Variants in INTS6 observed in about 807,000 individuals in gnomAD.
The protein encoded by INTS6 is DEAD box protein.
In INTS6, 16 loss-of-function variants were observed where a neutral mutation model predicts 104.9. The ratio of observed to expected loss-of-function variants is 0.15; its 90% CI spans 0.10 to 0.23. The LOEUF (loss-of-function observed/expected upper bound fraction) is 0.23, where lower values mean the gene tolerates loss of function less well. INTS6 is among the 10% of genes least tolerant of loss of function. The pLI, the probability that INTS6 is intolerant of heterozygous loss-of-function variation, is 1.00. For synonymous variants in INTS6, 324 were observed against 358.7 expected (o/e 0.90, Z 1.09); for missense variants, 584 against 1,062.8 (o/e 0.55, Z 6.26).
At chr13:51,376,987 A>G (rs931212053) in intron 12 of INTS6, among the ~76,000 whole-genome samples, 4 of 152,184 alleles carry the variant, frequency 2.6e-5, no homozygotes, top group Non-Finnish European at 4.4e-5. Flanking sequence ...TCTTAAGAAA[A>G]TATCAACTAT....
chr13:51,371,582 A>C (rs1410952822), intron 15 of INTS6, among the ~76,000 whole-genome samples: 2 of 152,010 alleles, frequency 1.3e-5, no homozygotes, highest in Non-Finnish European at 1.5e-5. Flanking sequence ...CCAGACTTGC[A>C]TTTGGAATCA....
chr13:51,373,066 A>T (rs1012033523), intron 15 of INTS6, among the ~76,000 whole-genome samples: 1 of 152,126 alleles, frequency 6.6e-6, no homozygotes, highest in African/African-American at 2.4e-5. Flanking sequence ...TTTTCCAGGA[A>T]AAAAACCCAA....
downstream of INTS6, chr13:51,361,515 A>G: frequency 1.7e-6 from 1 of 594,302 alleles, no homozygotes; most frequent in South Asian, 2.6e-5. Flanking sequence ...AAAGAAAACA[A>G]AAAGTTTTTG....
At position 51,376,767 on chromosome 13, in the gene INTS6, T is replaced by C. The variant is rs151094803; in HGVS notation, c.1603-593A>G. Among the ~76,000 whole-genome samples, 19 of 152,304 alleles carry C rather than the reference T, an allele frequency of 1.2e-4. No homozygotes were observed. The East Asian group carries it at 3.3e-3, about 26-fold the overall frequency. ...ATTAGCATGATGTTTTTGAGATTCA[T>C]TGACATTATTCATGTATCAGTAGTT... On this transcript the variant is annotated intron_variant, in intron 12 of 17. Transcript: ENST00000311234.
At chr13:51,450,752 GA>G in intron 3 of INTS6, 2 of 1,064,654 alleles carry the variant, frequency 1.9e-6, no homozygotes, top group Non-Finnish European at 2.3e-6. Context: ...GGTCTTTACT[GA>G]ACTTTCAAGG....
intron 3 of INTS6, chr13:51,450,708 A>G (rs1953022976): frequency 3.0e-6 from 3 of 1,015,054 alleles, no homozygotes; most frequent in African/African-American, 1.7e-5. Flanking sequence ...CACATACAAC[A>G]TGAGTGTGGT....
chr13:51,427,746 C>T (rs1957009913), intron 4 of INTS6, among the ~76,000 whole-genome samples: 1 of 152,100 alleles, frequency 6.6e-6, no homozygotes, highest in African/African-American at 2.4e-5. Context: ...TCAATGACTA[C>T]CAGATTCAAT....
At chr13:51,349,228 G>A (rs1955382382), downstream of INTS6, among the ~76,000 whole-genome samples, 1 of 152,106 alleles carries the variant, frequency 6.6e-6, no homozygotes, top group African/African-American at 2.4e-5. Flanking sequence ...GTAGGCAAAG[G>A]CAAAGTCCTT....
intron 4 of INTS6, among the ~76,000 whole-genome samples, chr13:51,422,321 T>C (rs1375431393): frequency 6.6e-6 from 1 of 152,164 alleles, no homozygotes; most frequent in Non-Finnish European, 1.5e-5. Flanking sequence ...TATTTGAGAA[T>C]ATGATTAAAG....
At chr13:51,391,616 G>GA (rs1956247166) in intron 5 of INTS6, among the ~76,000 whole-genome samples, 1 of 152,024 alleles carries the variant, frequency 6.6e-6, no homozygotes, top group Non-Finnish European at 1.5e-5. Flanking sequence ...TTGTATTTGT[G>GA]AAAAAAGTTT....
chr13:51,416,769 A>T (rs1956795350), intron 4 of INTS6, among the ~76,000 whole-genome samples: 1 of 152,128 alleles, frequency 6.6e-6, no homozygotes. Flanking sequence ...GCATAAGGTA[A>T]CTCTATGTTT....
rs1326155772 is a variant in INTS6 at position 51,452,805 on chromosome 13, TC to T, written c.-281del. The T allele has an allele frequency of 1.2e-5, 14 of 1,166,724 alleles. No individual in the cohort carries two copies. Among genetic ancestry groups the T allele is most frequent in the Admixed American group, 9.4e-5 (2 of 21,184 alleles). The allele number at this position is 1,166,724 out of a possible 1,614,324, so 72.3% of individuals were successfully genotyped here. A position where few individuals can be genotyped will look rare whatever the true frequency, so the allele number is the denominator to read the frequency against. On this transcript the variant is annotated 5_prime_UTR_variant, in exon 1 of 18. Transcript: ENST00000311234. This position sits in a 1 kb window ranked among gnomAD's most constrained non-coding sequence, Gnocchi z 4.2. ...GCCCAGCCGTCTGTCTGTCGGTTCG[TC>T]CCCCCCGCCTCGGGGGTCCCGTCCC... is the stretch of plus-strand genomic sequence containing the variant.
At chr13:51,439,710 T>G (rs1566250241) in intron 3 of INTS6, 1 of 152,202 alleles carries the variant, frequency 6.6e-6, no homozygotes, top group Non-Finnish European at 1.5e-5. Flanking sequence ...TCAAAGAAGT[T>G]TAAAACCTTT....
At chr13:51,433,361 T>A (rs1006496465) in intron 3 of INTS6, among the ~76,000 whole-genome samples, 1 of 152,282 alleles carries the variant, frequency 6.6e-6, no homozygotes, top group Non-Finnish European at 1.5e-5. Context: ...AGCAGGAGAA[T>A]CCCTTGAACC....
chr13:51,375,806 A>T (rs1955917648), intron 13 of INTS6, among the ~76,000 whole-genome samples: 1 of 152,030 alleles, frequency 6.6e-6, no homozygotes, highest in South Asian at 2.1e-4. Flanking sequence ...AAAAGCTATA[A>T]AAGGAAACTA....
chr13:51,415,228 A>C (rs61956949), intron 4 of INTS6, among the ~76,000 whole-genome samples: 3,681 of 152,290 alleles, frequency 0.024, 57 homozygotes, highest in South Asian at 0.062. Context: ...ATCTCACAGA[A>C]AAGTTGCAGT....
chr13:51,361,425 T>C, downstream of INTS6: 3 of 1,002,420 alleles, frequency 3.0e-6, no homozygotes, highest in East Asian at 2.5e-5. Flanking sequence ...GAAATTTACC[T>C]AGTTGAATCT....
chr13:51,383,899 T>G, intron 7 of INTS6, 158 bp from the exon 8 acceptor site: 1 of 489,268 alleles, frequency 2.0e-6, no homozygotes, highest in Non-Finnish European at 3.5e-6. Flanking sequence ...CACTTGAAAA[T>G]GTAATGCTAA....
At position 51,361,981 on chromosome 13, in the gene INTS6, A is replaced by C. The variant is rs540996987; in HGVS notation, c.*3771T>G. 1.7e-4 allele frequency: 275 copies of C among 1,611,028 alleles called. 11 individuals are homozygous for C. In the South Asian group the frequency reaches 3.0e-3, roughly 17 times the overall value. ...TCATTTGTCCACTATCCCCTCAAAA[A>C]TAAGCATTCTTTCTAGCTGTTTTTA... On this transcript the variant is annotated 3_prime_UTR_variant, in exon 18 of 18. Transcript: ENST00000311234.
Sources: allele counts gnomAD v4.1 joint callset (sites outside exome capture counted in the v4.1 genomes callset), GRCh38; gene constraint gnomAD v4.1.1; non-coding constraint Gnocchi (gnomAD v3.1); transcripts MANE v1.5; gene names NCBI Gene and HGNC (gene_info 2026-07-23, HGNC 2026-07-21).